The following CTNNB1 variants were observed in gnomAD, a reference collection of about 807,000 sequenced individuals.
The protein encoded by CTNNB1 is catenin beta 1, also known as catenin beta-1.
CTNNB1 carries 6 observed loss-of-function variants against 82.5 expected under a neutral mutation model. That is an observed-to-expected ratio of 0.07 (90% CI 0.04 to 0.14). The LOEUF is 0.14. Ranked by LOEUF, CTNNB1 falls within the 10% of genes least tolerant of loss-of-function variation. The pLI is 1.00. For missense variants in CTNNB1, 529 were observed against 980.4 expected (o/e 0.54, Z 6.15); for synonymous variants, 312 against 329.7 (o/e 0.95, Z 0.58).
rs2078501927 is a variant in CTNNB1 at position 41,238,808 on chromosome 3, G to C, written c.2138-326G>C. Among the ~76,000 whole-genome samples, 4 of 152,126 alleles carry C rather than the reference G, an allele frequency of 2.6e-5. No homozygotes were observed. The South Asian group carries it at 8.3e-4, about 32-fold the overall frequency. ...CTAGGTGGTCACACAGTAGATTCCT[G>C]CTTCTTCTCCTCGGGAACCCCAAGT... On this transcript the variant is annotated intron_variant, in intron 14 of 14. Transcript: ENST00000349496.
At chr3:41,233,960 A>T (rs559507697) in intron 9 of CTNNB1, 93 bp downstream of exon 9, 1 of 1,453,316 alleles carries the variant, frequency 6.9e-7, no homozygotes, top group African/African-American at 1.4e-5. Flanking sequence ...GTGATCAATA[A>T]GTAGGAATTG....
At position 41,240,185 on chromosome 3, in the gene CTNNB1, CAAAT is replaced by C. The variant is rs1428096068; in HGVS notation, c.*845_*848del. On this transcript the variant is annotated 3_prime_UTR_variant, in exon 15 of 15. Transcript: ENST00000349496. ...GTGTAGCCTTTTTGTATAAAATAGA[CAAAT>C]AGAAAATGGTCCAATTAGTTTCCTT... 21 of 202,094 alleles carry C rather than the reference CAAAT, an allele frequency of 1.0e-4. No individual in the cohort carries two copies. The East Asian group carries it at 1.5e-3, about 15-fold the overall frequency. The allele number at this position is 202,094 out of a possible 1,614,324, so 12.5% of individuals were successfully genotyped here.
intron 1 of CTNNB1, among the ~76,000 whole-genome samples, chr3:41,210,796 C>G (rs116496234): frequency 2.0e-5 from 3 of 147,136 alleles, no homozygotes; most frequent in Non-Finnish European, 3.0e-5. Flanking sequence ...ATATGCTATA[C>G]TTTTTTTTTT....
At chr3:41,212,639 G>A (rs988948704) in intron 1 of CTNNB1, among the ~76,000 whole-genome samples, 6 of 152,134 alleles carry the variant, frequency 3.9e-5, no homozygotes, top group South Asian at 2.1e-4. Context: ...TGTTCAGTTG[G>A]TAGCAACCAG....
At chr3:41,220,623 A>T (rs1485507147) in intron 1 of CTNNB1, 1 of 152,204 alleles carries the variant, frequency 6.6e-6, no homozygotes, top group Non-Finnish European at 1.5e-5. Context: ...AAATTTTACT[A>T]AGAACTTTTT....
rs751567042 is a variant in CTNNB1, at chr3:41,233,376, C to G, written c.1117C>G (p.Pro373Ala). Residue 373 changes from proline to alanine, a missense_variant, in exon 8 of 15, where the codon CCA (proline) becomes GCA (alanine). This residue lies in a region of CTNNB1 where 411 missense variants were observed against 776.4 expected (regional missense o/e 0.53). Transcript: ENST00000349496. ...AGCTTTAGGACTTCACCTGACAGAT[C>G]CAAGTCAACGTCTTGTTCAGAACTG... ...MQALGLHLTDPSQRLVQNCLW... is the reference protein window; with the variant it reads ...MQALGLHLTDASQRLVQNCLW... 1 of 1,614,152 alleles carries G rather than the reference C, an allele frequency of 6.2e-7. No individual in the cohort carries two copies. Among genetic ancestry groups the G allele is most frequent in the Non-Finnish European group, 8.5e-7 (1 of 1,180,038 alleles).
chr3:41,227,349 G>C lies in CTNNB1; in HGVS notation c.1078G>C (p.Ala360Pro), dbSNP rs1233211339. 1.2e-6 allele frequency: 2 copies of C among 1,613,726 alleles called. No homozygotes were observed. The highest frequency in any genetic ancestry group is 1.7e-6 in the Non-Finnish European group (2 of 1,179,780). ...CSSNKPAIVE[A>P]GGMQALGLHL... ...TAGTAATAAGCCGGCTATTGTAGAA[G>C]CTGGTAAGTATATGTATCTATTCTG... The change falls in exon 7 of 15, where the codon GCT (alanine) becomes CCT (proline). Residue 360 changes from alanine to proline, a missense_variant. This residue lies in a region of CTNNB1 where 411 missense variants were observed against 776.4 expected (regional missense o/e 0.53). Coordinates refer to ENST00000349496, the MANE Select transcript of CTNNB1 (RefSeq NM_001904.4).
intron 9 of CTNNB1, 37 bp from the exon 10 acceptor site, chr3:41,234,102 G>A (rs372537403): frequency 5.0e-6 from 8 of 1,613,702 alleles, no homozygotes; most frequent in Admixed American, 1.7e-5. Context: ...AAATGATTTT[G>A]TTGAGTTGTA....
In CTNNB1 at chr3:41,239,533, T is replaced by G. The variant is rs1204835780; in HGVS notation, c.*191T>G. 3.9e-5 allele frequency: 24 copies of G among 620,174 alleles called. No homozygotes were observed. The highest frequency in any genetic ancestry group is 2.3e-5 in the Non-Finnish European group (8 of 349,594). The allele number at this position is 620,174 out of a possible 1,614,324, so 38.4% of individuals were successfully genotyped here. A position where few individuals can be genotyped will look rare whatever the true frequency, so the allele number is the denominator to read the frequency against. ...ATTGGAATGTTCTCAGATTTCTGGT[T>G]GTTATGTGATCATGTGTGGAAGTTA... On this transcript the variant is annotated 3_prime_UTR_variant, in exon 15 of 15. Transcript: ENST00000349496.
rs2125637543 is a variant in CTNNB1 at position 41,233,353 on chromosome 3, C to A, written c.1094C>A (p.Ala365Asp). 1 of 1,614,166 alleles carries A rather than the reference C, an allele frequency of 6.2e-7. No individual in the cohort carries two copies. Among genetic ancestry groups the A allele is most frequent in the Non-Finnish European group, 8.5e-7 (1 of 1,180,024 alleles). Residue 365 changes from alanine to aspartate, a missense_variant, in exon 8 of 15, where the codon GCT (alanine) becomes GAT (aspartate). Around this residue, in one of 4 missense-constraint regions of CTNNB1, gnomAD observed 411 missense variants for 776.4 expected, o/e 0.53. Transcript: ENST00000349496. ...PAIVEAGGMQ[A>D]LGLHLTDPSQ... ...TTTAATTTTCTAGGTGGAATGCAAG[C>A]TTTAGGACTTCACCTGACAGATCCA...
chr3:41,201,808 C>T (rs1273760027), intron 1 of CTNNB1, among the ~76,000 whole-genome samples: 1 of 151,602 alleles, frequency 6.6e-6, no homozygotes, highest in Non-Finnish European at 1.5e-5. Flanking sequence ...ATTTCTTTTA[C>T]CAACATGATA....
chr3:41,204,238 C>T (rs2077596647), intron 1 of CTNNB1, among the ~76,000 whole-genome samples: 1 of 152,044 alleles, frequency 6.6e-6, no homozygotes, highest in Non-Finnish European at 1.5e-5. Flanking sequence ...CATTTACTGT[C>T]TATAAGCTTC....
At chr3:41,233,218 T>C in intron 7 of CTNNB1, 123 bp from the exon 8 acceptor site, 1 of 817,812 alleles carries the variant, frequency 1.2e-6, no homozygotes, top group Non-Finnish European at 2.1e-6. Flanking sequence ...ATCAAATACT[T>C]AGGTGAAAGG....
chr3:41,224,187 C>T, intron 2 of CTNNB1, 106 bp downstream of exon 2: 1 of 1,362,534 alleles, frequency 7.3e-7, no homozygotes, highest in Non-Finnish European at 1.1e-6. Flanking sequence ...GCTTACTTGT[C>T]AGGCTACCTT....
At chr3:41,237,905 AG>A in intron 13 of CTNNB1, 110 bp from the exon 14 acceptor site, 1 of 850,768 alleles carries the variant, frequency 1.2e-6, no homozygotes, top group Non-Finnish European at 2.0e-6. Context: ...GTAATGTTGG[AG>A]TTACTTGTTC....
At chr3:41,219,648 T>C (rs949158146) in intron 1 of CTNNB1, among the ~76,000 whole-genome samples, 4 of 152,228 alleles carry the variant, frequency 2.6e-5, no homozygotes, top group African/African-American at 9.6e-5. Flanking sequence ...AGATAACAGC[T>C]GGTGCTGACA....
chr3:41,234,064 T>G (rs1310528050), intron 9 of CTNNB1, 75 bp from the exon 10 acceptor site: 17 of 1,586,234 alleles, frequency 1.1e-5, no homozygotes, highest in Non-Finnish European at 1.5e-5. Flanking sequence ...ACCAATAGAT[T>G]TAGTGTGGTG....
chr3:41,222,366 A>G (rs1460202507), intron 1 of CTNNB1: 1 of 152,190 alleles, frequency 6.6e-6, no homozygotes, highest in African/African-American at 2.4e-5. Flanking sequence ...CTATGCTGTT[A>G]CCTAATTAGA....
intron 1 of CTNNB1, among the ~76,000 whole-genome samples, chr3:41,214,554 C>A (rs577016169): frequency 6.6e-6 from 1 of 151,884 alleles, no homozygotes; most frequent in Non-Finnish European, 1.5e-5. Flanking sequence ...AAGATACTTA[C>A]GGGGGGGAAC....
Sources: gnomAD v4.1 joint callset for allele counts (sites outside exome capture counted in the v4.1 genomes callset) on GRCh38, gnomAD v4.1.1 for gene constraint, gnomAD v4.1.1 regional missense constraint, MANE v1.5 for transcripts, NCBI Gene and HGNC (gene_info 2026-07-23, HGNC 2026-07-21) for gene names.